The following FHIT variants were observed in gnomAD, a reference collection of about 807,000 sequenced individuals.
FHIT encodes fragile histidine triad diadenosine triphosphatase.
FHIT carries 19 observed loss-of-function variants against 17.9 expected under a neutral mutation model. The observed-to-expected ratio is 1.06, with a 90% confidence interval of 0.74 to 1.56. The LOEUF (loss-of-function observed/expected upper bound fraction) is 1.56, where lower values mean the gene tolerates loss of function less well. FHIT is among the 40% of genes most tolerant of loss of function. FHIT has a pLI of 0.00. For synonymous variants in FHIT, 81 were observed against 69.7 expected (o/e 1.16, Z -0.81); for missense variants, 248 against 189.2 (o/e 1.31, Z -1.82).
At chr3:61,156,330 T>G (rs188082377) in intron 2 of FHIT, among the ~76,000 whole-genome samples, 1 of 152,302 alleles carries the variant, frequency 6.6e-6, no homozygotes, top group African/African-American at 2.4e-5. Context: ...TTAAGTCTAC[T>G]TAAACCTCAC....
intron 8 of FHIT, among the ~76,000 whole-genome samples, chr3:59,763,125 G>T (rs903500903): frequency 6.6e-6 from 1 of 152,188 alleles, no homozygotes; most frequent in African/African-American, 2.4e-5. Context: ...ACAGTACTCA[G>T]AACAAGGAAT....
intron 2 of FHIT, among the ~76,000 whole-genome samples, chr3:61,104,974 T>C (rs565835343): frequency 6.6e-6 from 1 of 152,326 alleles, no homozygotes; most frequent in East Asian, 1.9e-4. Flanking sequence ...TGAATTGTTT[T>C]ATCATGATTT....
At chr3:60,217,995 T>C (rs1703776338) in intron 5 of FHIT, among the ~76,000 whole-genome samples, 1 of 152,298 alleles carries the variant, frequency 6.6e-6, no homozygotes, top group African/African-American at 2.4e-5. Flanking sequence ...CCATTCTCAA[T>C]TTTTGGTTTT....
chr3:60,029,094 T>C (rs1700872238), intron 5 of FHIT, among the ~76,000 whole-genome samples: 1 of 152,228 alleles, frequency 6.6e-6, no homozygotes, highest in African/African-American at 2.4e-5. Flanking sequence ...ATGTTTTAAA[T>C]TACAGTGTAC....
rs1703414571 is a variant in FHIT at position 60,084,409 on chromosome 3, T to G, written c.104-70257A>C. Reference sequence around the variant, plus strand: ...GTCAAGCAATCACTCATTCGTTCACTCTACACATATAATAGGCATCCACTT... The same window carrying G: ...GTCAAGCAATCACTCATTCGTTCACGCTACACATATAATAGGCATCCACTT... On this transcript the variant is annotated intron_variant, in intron 5 of 9. Coordinates refer to ENST00000492590, the MANE Select transcript of FHIT (RefSeq NM_002012.4). Among the ~76,000 whole-genome samples, 3 of 152,190 alleles carry G rather than the reference T, an allele frequency of 2.0e-5. No homozygotes were observed. The South Asian group carries it at 6.2e-4, about 32-fold the overall frequency.
intron 5 of FHIT, among the ~76,000 whole-genome samples, chr3:60,489,332 G>T (rs1260014736): frequency 6.6e-6 from 1 of 152,072 alleles, no homozygotes; most frequent in Non-Finnish European, 1.5e-5. Context: ...AAATGTGTGT[G>T]TATACTTTTT....
At chr3:61,161,643 A>G (rs2037698776) in intron 2 of FHIT, among the ~76,000 whole-genome samples, 2 of 152,224 alleles carry the variant, frequency 1.3e-5, no homozygotes, top group Non-Finnish European at 2.9e-5. Context: ...GAACCAGCCA[A>G]TGAAATGCAT....
chr3:60,784,195 G>A (rs1700485180), intron 4 of FHIT, among the ~76,000 whole-genome samples: 1 of 152,084 alleles, frequency 6.6e-6, no homozygotes, highest in South Asian at 2.1e-4. Context: ...ATTGCATTCT[G>A]TCCACGGGAA....
At chr3:60,523,151 T>C (rs981609093) in intron 5 of FHIT, among the ~76,000 whole-genome samples, 3 of 152,132 alleles carry the variant, frequency 2.0e-5, no homozygotes, top group Non-Finnish European at 4.4e-5. Flanking sequence ...CTCCCTCCCA[T>C]AACACGTGGG....
intron 4 of FHIT, among the ~76,000 whole-genome samples, chr3:60,623,619 T>C (rs970836839): frequency 1.8e-4 from 28 of 152,188 alleles, no homozygotes; most frequent in African/African-American, 6.0e-4. Flanking sequence ...AACAATTGCT[T>C]GAGAGGCACT....
intron 4 of FHIT, among the ~76,000 whole-genome samples, chr3:60,733,642 C>T (rs563801944): frequency 6.6e-6 from 1 of 152,282 alleles, no homozygotes; most frequent in South Asian, 2.1e-4. Context: ...CCCTAGATCA[C>T]TCTATCCTTC....
At chr3:59,944,602 G>A (rs533253213) in intron 7 of FHIT, among the ~76,000 whole-genome samples, 22 of 151,838 alleles carry the variant, frequency 1.4e-4, no homozygotes, top group Non-Finnish European at 2.4e-4. Context: ...CAGGGGTTTC[G>A]TATAAATATT....
chr3:60,548,636 C>CT (rs2036448387), intron 4 of FHIT, among the ~76,000 whole-genome samples: 1 of 152,120 alleles, frequency 6.6e-6, no homozygotes, highest in Non-Finnish European at 1.5e-5. Flanking sequence ...ATGTGGTCCT[C>CT]TAAGTAGCAA....
chr3:60,486,131 T>C (rs1381963474), intron 5 of FHIT, among the ~76,000 whole-genome samples: 2 of 152,056 alleles, frequency 1.3e-5, no homozygotes, highest in Non-Finnish European at 2.9e-5. Context: ...TAATAGGAAC[T>C]GAAAAAGACA....
chr3:60,809,773 G>A (rs1285469545), intron 4 of FHIT, among the ~76,000 whole-genome samples: 4 of 152,158 alleles, frequency 2.6e-5, no homozygotes, highest in African/African-American at 9.7e-5. Context: ...GATGTGAGCA[G>A]GGTTGATGAT....
At chr3:60,520,236 G>T (rs1301593802) in intron 5 of FHIT, among the ~76,000 whole-genome samples, 1 of 151,624 alleles carries the variant, frequency 6.6e-6, no homozygotes, top group East Asian at 1.9e-4. Flanking sequence ...GATATTTCTA[G>T]CTAGTTTTTT....
chr3:59,787,249 T>A (rs1057377832), intron 8 of FHIT, among the ~76,000 whole-genome samples: 1 of 152,222 alleles, frequency 6.6e-6, no homozygotes, highest in Non-Finnish European at 1.5e-5. Flanking sequence ...CAGGTCTGTA[T>A]GACTCTAAAT....
chr3:60,543,812 T>G (rs573209617), intron 4 of FHIT, among the ~76,000 whole-genome samples: 87 of 150,770 alleles, frequency 5.8e-4, no homozygotes, highest in African/African-American at 2.1e-3. Context: ...CGGCGCAATC[T>G]CGGCTCACTG....
intron 4 of FHIT, among the ~76,000 whole-genome samples, chr3:60,646,744 A>T (rs1553686827): frequency 1.3e-5 from 2 of 152,222 alleles, no homozygotes; most frequent in Non-Finnish European, 2.9e-5. Context: ...ACTCACAGTG[A>T]CTGGTTAAGG....
Sources: gnomAD v4.1 joint callset for allele counts (sites outside exome capture counted in the v4.1 genomes callset) on GRCh38, gnomAD v4.1.1 for gene constraint, MANE v1.5 for transcripts, NCBI Gene and HGNC (gene_info 2026-07-23, HGNC 2026-07-21) for gene names.